The following RBFOX1 variants were observed in gnomAD, a reference collection of about 807,000 sequenced individuals.
RBFOX1 encodes the protein RNA binding fox-1 homolog 1, also known as RNA binding protein fox-1 homolog 1.
In RBFOX1, 8 loss-of-function variants were observed where a neutral mutation model predicts 57.7. The ratio of observed to expected loss-of-function variants is 0.14; its 90% CI spans 0.08 to 0.25. The LOEUF is 0.25. Ranked by LOEUF, RBFOX1 falls within the 10% of genes least tolerant of loss-of-function variation. The probability of loss-of-function intolerance (pLI) is 1.00; values close to 1 mark genes in which losing one functional copy is unlikely to be tolerated. For missense variants in RBFOX1, 611 were observed against 548.5 expected (o/e 1.11, Z -1.14); for synonymous variants, 326 against 222.4 (o/e 1.47, Z -4.15).
chr16:7,163,608 C>G (rs2078844410), intron 4 of RBFOX1, among the ~76,000 whole-genome samples: 2 of 151,906 alleles, frequency 1.3e-5, no homozygotes, highest in South Asian at 4.2e-4. Context: ...GCAGAATAAG[C>G]TGAGGACTTT....
chr16:5,689,225 TCAG>T (rs1170770410), intron 3 of RBFOX1, among the ~76,000 whole-genome samples: 1 of 152,192 alleles, frequency 6.6e-6, no homozygotes, highest in Non-Finnish European at 1.5e-5. Context: ...GGATTGCTTA[TCAG>T]CTCCATCACT....
chr16:7,490,706 G>C (rs777577668), intron 4 of RBFOX1, among the ~76,000 whole-genome samples: 3 of 152,180 alleles, frequency 2.0e-5, no homozygotes, highest in Non-Finnish European at 4.4e-5. Flanking sequence ...CTCTGGTTGA[G>C]GTGGGGGTGT....
intron 1 of RBFOX1, among the ~76,000 whole-genome samples, chr16:6,043,276 G>A (rs746581329): frequency 1.3e-5 from 2 of 151,900 alleles, no homozygotes; most frequent in African/African-American, 2.4e-5. Flanking sequence ...AAAGGTGTCC[G>A]TCTCCCACCG....
intron 5 of RBFOX1, among the ~76,000 whole-genome samples, chr16:7,550,897 C>T (rs930663588): frequency 5.9e-5 from 9 of 151,892 alleles, no homozygotes; most frequent in Admixed American, 1.3e-4. Flanking sequence ...AGTTTCAGAC[C>T]AGCCTGGCCA....
At chr16:6,710,865 G>A (rs1025224037) in intron 3 of RBFOX1, among the ~76,000 whole-genome samples, 3 of 152,190 alleles carry the variant, frequency 2.0e-5, no homozygotes, top group Admixed American at 1.3e-4. Flanking sequence ...GGAGGAAAGG[G>A]ACAGGCTTCA....
intron 4 of RBFOX1, among the ~76,000 whole-genome samples, chr16:5,949,525 CAAAAAA>C (rs59221283): frequency 1.2e-4 from 4 of 32,296 alleles, no homozygotes; most frequent in Admixed American, 3.8e-4. Context: ...GAGTCCATCT[CAAAAAA>C]AAAAAAAAAA....
chr16:7,562,481 C>T (rs536057998), intron 5 of RBFOX1, among the ~76,000 whole-genome samples: 7 of 152,188 alleles, frequency 4.6e-5, no homozygotes, highest in South Asian at 2.1e-4. Flanking sequence ...CTTGAAGACA[C>T]GAGACCCTGG....
At chr16:6,068,639 A>T (rs1391409696) in intron 1 of RBFOX1, among the ~76,000 whole-genome samples, 4 of 152,172 alleles carry the variant, frequency 2.6e-5, no homozygotes, top group African/African-American at 9.7e-5. Context: ...ACCTGGACCC[A>T]TTTAGATTAA....
At chr16:5,557,399 T>C (rs2045720980) in intron 2 of RBFOX1, among the ~76,000 whole-genome samples, 1 of 132,390 alleles carries the variant, frequency 7.6e-6, no homozygotes, top group African/African-American at 2.8e-5. Flanking sequence ...CACATGGGCA[T>C]TGGGTCCCCA....
chr16:6,681,746 T>C (rs1413149974), intron 3 of RBFOX1, among the ~76,000 whole-genome samples: 1 of 152,036 alleles, frequency 6.6e-6, no homozygotes. Flanking sequence ...ATAATATAAT[T>C]AATAGACATA....
At chr16:7,021,364 GTTC>G (rs1162063783) in intron 3 of RBFOX1, among the ~76,000 whole-genome samples, 1 of 144,230 alleles carries the variant, frequency 6.9e-6, no homozygotes, top group Non-Finnish European at 1.5e-5. Flanking sequence ...TAGTATTTAT[GTTC>G]TTATATATTT....
chr16:6,055,458 T>C (rs1416111456), intron 1 of RBFOX1, among the ~76,000 whole-genome samples: 1 of 151,860 alleles, frequency 6.6e-6, no homozygotes, highest in Non-Finnish European at 1.5e-5. Flanking sequence ...CGAGGTGTTG[T>C]GGTGCGTGCC....
chr16:7,148,166 C>G (rs1170670557), intron 4 of RBFOX1, among the ~76,000 whole-genome samples: 1 of 152,174 alleles, frequency 6.6e-6, no homozygotes, highest in Admixed American at 6.6e-5. Flanking sequence ...AGGGCTAACT[C>G]AGAGGATTTA....
At chr16:6,116,939 T>A (rs1485325566) in intron 1 of RBFOX1, among the ~76,000 whole-genome samples, 3 of 152,140 alleles carry the variant, frequency 2.0e-5, no homozygotes, top group Non-Finnish European at 4.4e-5. Flanking sequence ...GGCTCTACAG[T>A]AAAGGTATTG....
intron 3 of RBFOX1, among the ~76,000 whole-genome samples, chr16:6,845,609 A>G (rs2093711825): frequency 6.6e-6 from 1 of 152,116 alleles, no homozygotes; most frequent in African/African-American, 2.4e-5. Flanking sequence ...CTTAAATCAT[A>G]CATTTTATCA....
intron 1 of RBFOX1, among the ~76,000 whole-genome samples, chr16:5,381,271 A>T (rs529904985): frequency 1.3e-5 from 2 of 152,360 alleles, no homozygotes; most frequent in African/African-American, 2.4e-5. Flanking sequence ...CATGCATATT[A>T]TGCCGAGTCT....
intron 3 of RBFOX1, among the ~76,000 whole-genome samples, chr16:5,726,598 G>T (rs184789005): frequency 1.5e-3 from 235 of 152,276 alleles, no homozygotes; most frequent in Middle Eastern, 6.8e-3. Flanking sequence ...AAAGGAATCT[G>T]CTGCTTCTCA....
In RBFOX1 at chr16:7,030,911, C is replaced by T. The variant is rs140753158; in HGVS notation, c.-15-21146C>T. On this transcript the variant is annotated intron_variant, in intron 3 of 15. Transcript: ENST00000550418. ...AATGAATCCAATCCTTGTCATTTGA[C>T]AAAGAGTGGAAGGGAATGTGGGTAT... 3.8e-3 allele frequency among the ~76,000 whole-genome samples: 576 copies of T among 152,166 alleles called. 3 individuals are homozygous for T. The highest frequency in any genetic ancestry group is 0.012 in the African/African-American group (500 of 41,512).
rs560285968 is a variant in RBFOX1 at position 6,022,645 on chromosome 16, T to G, written c.-127+2653T>G. 2.3e-3 allele frequency among the ~76,000 whole-genome samples: 349 copies of G among 152,250 alleles called. 1 individual carries two copies. The highest frequency in any genetic ancestry group is 8.0e-3 in the African/African-American group (334 of 41,540). On this transcript the variant is annotated intron_variant, in intron 1 of 15. Coordinates refer to ENST00000550418, the MANE Select transcript of RBFOX1 (RefSeq NM_018723.4). ...CTGCAGTGAGCCGATATCACGCCAC[T>G]GCACTCCAGCCTGGGTGACCAGAAT...
Sources: allele counts gnomAD v4.1 joint callset (sites outside exome capture counted in the v4.1 genomes callset), GRCh38; gene constraint gnomAD v4.1.1; transcripts MANE v1.5; gene names NCBI Gene and HGNC (gene_info 2026-07-23, HGNC 2026-07-21).